HERPUD2: variants seen among roughly 807,000 people sequenced by gnomAD.
HERPUD2 encodes HERPUD family member 2, also known as homocysteine-responsive endoplasmic reticulum-resident ubiquitin-like domain member 2 protein.
In HERPUD2, 13 loss-of-function variants were observed where a neutral mutation model predicts 49.9. The ratio of observed to expected loss-of-function variants is 0.26; its 90% CI spans 0.17 to 0.41. The LOEUF (loss-of-function observed/expected upper bound fraction) is 0.41, where lower values mean the gene tolerates loss of function less well. HERPUD2 is among the 10% of genes least tolerant of loss of function. The pLI, the probability that HERPUD2 is intolerant of heterozygous loss-of-function variation, is 1.00. For missense variants in HERPUD2, 449 were observed against 492.2 expected (o/e 0.91, Z 0.83); for synonymous variants, 172 against 171.4 (o/e 1.00, Z -0.03).
At chr7:35,650,187 C>T (rs1296729350) in intron 5 of HERPUD2, among the ~76,000 whole-genome samples, 1 of 152,104 alleles carries the variant, frequency 6.6e-6, no homozygotes, top group Non-Finnish European at 1.5e-5. Context: ...TCCAGTAGAT[C>T]ACCTAAGGGA....
chr7:35,640,596 C>T (rs1172319841), intron 5 of HERPUD2, among the ~76,000 whole-genome samples: 2 of 152,162 alleles, frequency 1.3e-5, no homozygotes, highest in African/African-American at 4.8e-5. Flanking sequence ...GATATAATTG[C>T]CAAATACATC....
chr7:35,688,913 G>T (rs897542231), intron 2 of HERPUD2, among the ~76,000 whole-genome samples: 3 of 151,620 alleles, frequency 2.0e-5, no homozygotes, highest in African/African-American at 7.3e-5. Context: ...CATCTATAAA[G>T]TAGAGCTAAT....
chr7:35,639,614 C>T (rs1202535501), intron 5 of HERPUD2, among the ~76,000 whole-genome samples: 1 of 152,188 alleles, frequency 6.6e-6, no homozygotes, highest in Non-Finnish European at 1.5e-5. Context: ...AATTTGCTAA[C>T]TCTTCTTCAC....
chr7:35,674,452 GAGAGAGAGA>G (rs1562682901), intron 2 of HERPUD2, among the ~76,000 whole-genome samples: 1 of 124,306 alleles, frequency 8.0e-6, no homozygotes, highest in African/African-American at 3.0e-5. Context: ...GAGAGAGAGA[GAGAGAGAGA>G]GAGGAGCACT....
chr7:35,634,872 C>T (rs1404089260), intron 7 of HERPUD2, among the ~76,000 whole-genome samples: 1 of 152,104 alleles, frequency 6.6e-6, no homozygotes, highest in Non-Finnish European at 1.5e-5. Flanking sequence ...TTGTTAAGTT[C>T]GAAATAATGG....
chr7:35,653,191 T>C (rs915620581), intron 5 of HERPUD2, among the ~76,000 whole-genome samples: 1 of 152,122 alleles, frequency 6.6e-6, no homozygotes, highest in African/African-American at 2.4e-5. Flanking sequence ...AAGAAATTCA[T>C]CTCAACTGTA....
chr7:35,693,477 T>C (rs985649631), intron 2 of HERPUD2, among the ~76,000 whole-genome samples: 3 of 152,088 alleles, frequency 2.0e-5, no homozygotes, highest in African/African-American at 7.2e-5. Context: ...TTTAAGTTTC[T>C]GGGCCAAGTG....
intron 2 of HERPUD2, among the ~76,000 whole-genome samples, chr7:35,681,302 T>C (rs1785885532): frequency 6.6e-6 from 1 of 152,036 alleles, no homozygotes; most frequent in African/African-American, 2.4e-5. Flanking sequence ...CCAAAATACA[T>C]AAAGCAAAAA....
chr7:35,660,547 C>G lies in HERPUD2; in HGVS notation c.494+6887G>C, dbSNP rs545298505. Among the ~76,000 whole-genome samples the G allele has an allele frequency of 2.0e-5, 3 of 152,296 alleles. No homozygotes were observed. In the East Asian group the frequency reaches 5.8e-4, roughly 29 times the overall value. ...CATCCTCTCCAGCACCTGTTGTTTC[C>G]TGACTTTTTAATGATCGCCATTCTA... On this transcript the variant is annotated intron_variant, in intron 5 of 8. Coordinates refer to ENST00000311350, the MANE Select transcript of HERPUD2 (RefSeq NM_022373.5).
chr7:35,633,898 A>G (rs767026504), intron 8 of HERPUD2, 47 bp from the exon 9 acceptor site: 2 of 1,555,254 alleles, frequency 1.3e-6, no homozygotes, highest in Non-Finnish European at 1.8e-6. Flanking sequence ...ATGAACGAGC[A>G]TTAGCTCATA....
chr7:35,672,113 A>AT (rs1199902609), intron 3 of HERPUD2, among the ~76,000 whole-genome samples: 1 of 152,014 alleles, frequency 6.6e-6, no homozygotes, highest in Non-Finnish European at 1.5e-5. Context: ...ATGTATGTCA[A>AT]TGTAAGCTCA....
In HERPUD2 at chr7:35,667,605, A is replaced by G. The variant is rs772028671; in HGVS notation, c.340-17T>C. On this transcript the variant is annotated splice_polypyrimidine_tract_variant and intron_variant, in intron 4 of 8. Coordinates refer to ENST00000311350, the MANE Select transcript of HERPUD2 (RefSeq NM_022373.5). ...ATCTGAACTCTACAAATAAAAATGT[A>G]ATTTTTAAAAGGAGATTTAGTTCTT... The G allele has an allele frequency of 2.5e-6, 4 of 1,574,718 alleles. No individual in the cohort carries two copies. The highest frequency in any genetic ancestry group is 2.6e-6 in the Non-Finnish European group (3 of 1,147,460).
At chr7:35,647,639 T>C (rs547751441) in intron 5 of HERPUD2, among the ~76,000 whole-genome samples, 1 of 152,244 alleles carries the variant, frequency 6.6e-6, no homozygotes, top group South Asian at 2.1e-4. Context: ...AAAATACGAA[T>C]GATAACCTAG....
In HERPUD2 at chr7:35,633,546, T is replaced by G; in HGVS notation, c.*144A>C. 3.6e-6 allele frequency: 2 copies of G among 559,290 alleles called. No individual in the cohort carries two copies. Among genetic ancestry groups the G allele is most frequent in the Non-Finnish European group, 6.1e-6 (2 of 328,122 alleles). The allele number at this position is 559,290 out of a possible 1,614,324, so 34.6% of individuals were successfully genotyped here. A position where few individuals can be genotyped will look rare whatever the true frequency, so the allele number is the denominator to read the frequency against. On this transcript the variant is annotated 3_prime_UTR_variant, in exon 9 of 9. Coordinates refer to ENST00000311350, the MANE Select transcript of HERPUD2 (RefSeq NM_022373.5). ...AGTAGTCCATTCGTGCTTAAAATAT[T>G]CATATGCATGAGAAGCCTAAAGAAA...
chr7:35,636,434 G>A (rs1043057576), intron 6 of HERPUD2, among the ~76,000 whole-genome samples: 3 of 152,172 alleles, frequency 2.0e-5, no homozygotes, highest in African/African-American at 7.2e-5. Context: ...ACACAGGTGA[G>A]TTACATTACT....
At position 35,678,701 on chromosome 7, in the gene HERPUD2, A is replaced by G. The variant is rs1785818115; in HGVS notation, c.148-5423T>C. Among the ~76,000 whole-genome samples the G allele has an allele frequency of 2.6e-5, 4 of 152,328 alleles. No homozygotes were observed. The South Asian group carries it at 8.3e-4, about 32-fold the overall frequency. On this transcript the variant is annotated intron_variant, in intron 2 of 8. Coordinates refer to ENST00000311350, the MANE Select transcript of HERPUD2 (RefSeq NM_022373.5). ...AAAAATACTTTGATGTTAGTCAAAGAAGTCCATATCCAAAACATAAGTTAT... is the reference window on the plus strand; with the variant it reads ...AAAAATACTTTGATGTTAGTCAAAGGAGTCCATATCCAAAACATAAGTTAT...
chr7:35,672,602 A>T (rs1349778728), intron 3 of HERPUD2, among the ~76,000 whole-genome samples: 2 of 152,118 alleles, frequency 1.3e-5, no homozygotes, highest in South Asian at 4.1e-4. Context: ...CACCAACAAA[A>T]AGCAACATTT....
intron 2 of HERPUD2, among the ~76,000 whole-genome samples, chr7:35,674,754 G>A (rs1029247383): frequency 1.4e-4 from 21 of 149,348 alleles, no homozygotes; most frequent in Admixed American, 2.7e-4. Flanking sequence ...CCTACCTAAC[G>A]AAGCTTCCAT....
Position 35,694,512 on chromosome 7 carries a change from G to C in HERPUD2, c.-182C>G, listed in dbSNP as rs1786272713. The C allele has an allele frequency of 1.6e-6, 1 of 640,212 alleles. No homozygotes were observed. Among genetic ancestry groups the C allele is most frequent in the Non-Finnish European group, 2.7e-6 (1 of 374,532 alleles). 39.7% of individuals were successfully genotyped at this position (640,212 alleles called of 1,614,324 possible). A position where few individuals can be genotyped will look rare whatever the true frequency, so the allele number is the denominator to read the frequency against. On this transcript the variant is annotated 5_prime_UTR_variant, in exon 2 of 9. Transcript: ENST00000311350. ...TTGCCGGTACCAAGGATGGACTGAG[G>C]TGGTGGCGACTGCGACGGTGGGGTC...
Sources: gnomAD v4.1 joint callset for allele counts (sites outside exome capture counted in the v4.1 genomes callset) on GRCh38, gnomAD v4.1.1 for gene constraint, MANE v1.5 for transcripts, NCBI Gene and HGNC (gene_info 2026-07-23, HGNC 2026-07-21) for gene names.